CACNB2: variants seen among roughly 807,000 people sequenced by gnomAD.
CACNB2 encodes the protein calcium voltage-gated channel auxiliary subunit beta 2, also known as voltage-dependent L-type calcium channel subunit beta-2.
In CACNB2, 42 loss-of-function variants were observed where a neutral mutation model predicts 73.3. That is an observed-to-expected ratio of 0.57 (90% confidence interval 0.45 to 0.74). CACNB2 has a LOEUF of 0.74. CACNB2 is among the 30% of genes least tolerant of loss of function. CACNB2 has a pLI of 0.00. For synonymous variants in CACNB2, 348 were observed against 310.3 expected (o/e 1.12, Z -1.28); for missense variants, 940 against 853.0 (o/e 1.10, Z -1.27).
intron 2 of CACNB2, among the ~76,000 whole-genome samples, chr10:18,333,328 G>A (rs923829444): frequency 5.9e-5 from 9 of 152,086 alleles, no homozygotes; most frequent in African/African-American, 2.2e-4. Context: ...GATAAACTCT[G>A]AGGAAGGGAT....
chr10:18,307,592 A>T (rs1162476436), intron 2 of CACNB2, among the ~76,000 whole-genome samples: 1 of 152,202 alleles, frequency 6.6e-6, no homozygotes, highest in East Asian at 1.9e-4. Context: ...TGTTCATACC[A>T]AGTTCCCAGC....
Position 18,484,146 on chromosome 10 carries a change from C to A in CACNB2, c.334-14209C>A, listed in dbSNP as rs369882444. ...CAGTGGCTCACACTTGTAATCCCAG[C>A]ACTTTGGAAGGCCAAGGCGGGCAGA... On this transcript the variant is annotated intron_variant, in intron 3 of 13. Transcript: ENST00000324631. 4.6e-5 allele frequency among the ~76,000 whole-genome samples: 7 copies of A among 152,328 alleles called. No homozygotes were observed. The South Asian group carries it at 1.4e-3, about 32-fold the overall frequency.
chr10:18,476,414 C>T (rs1457714164), intron 3 of CACNB2, among the ~76,000 whole-genome samples: 1 of 152,186 alleles, frequency 6.6e-6, no homozygotes, highest in Admixed American at 6.5e-5. Context: ...AAGCAAGCAG[C>T]TCAAGAGCCC....
intron 2 of CACNB2, among the ~76,000 whole-genome samples, chr10:18,325,601 CT>C (rs1182819292): frequency 6.7e-6 from 1 of 149,580 alleles, no homozygotes; most frequent in Non-Finnish European, 1.5e-5. Context: ...CTTTCTCTGT[CT>C]TTTTTCTTTC....
intron 1 of CACNB2, among the ~76,000 whole-genome samples, chr10:18,144,309 AC>A (rs2030740483): frequency 6.6e-6 from 1 of 152,138 alleles, no homozygotes; most frequent in Non-Finnish European, 1.5e-5. Context: ...CAAACTCCTG[AC>A]CTCAGGTGAT....
At chr10:18,484,368 T>C (rs1431406591) in intron 3 of CACNB2, among the ~76,000 whole-genome samples, 1 of 151,048 alleles carries the variant, frequency 6.6e-6, no homozygotes, top group Non-Finnish European at 1.5e-5. Flanking sequence ...TACTCCAGCC[T>C]GGGTGACAGA....
At chr10:18,150,130 A>T (rs905825939) in intron 1 of CACNB2, among the ~76,000 whole-genome samples, 3 of 152,150 alleles carry the variant, frequency 2.0e-5, no homozygotes, top group African/African-American at 7.2e-5. Context: ...ACATAGATTG[A>T]TGTGTAGTTT....
intron 2 of CACNB2, among the ~76,000 whole-genome samples, chr10:18,382,107 G>A (rs1302185623): frequency 6.6e-6 from 1 of 152,012 alleles, no homozygotes; most frequent in African/African-American, 2.4e-5. Flanking sequence ...ATGTTCATGT[G>A]TGTTTTTCAC....
intron 2 of CACNB2, among the ~76,000 whole-genome samples, chr10:18,377,485 T>C (rs1181154588): frequency 6.6e-6 from 1 of 152,224 alleles, no homozygotes; most frequent in Non-Finnish European, 1.5e-5. Flanking sequence ...AAAGCAGCCA[T>C]GAACAATTCG....
rs184259363 is a variant in CACNB2, at chr10:18,539,828, T to C, written c.*104T>C. Reference sequence around the variant, plus strand: ...GGGTCTACACTGCAATCATATGTGATCTGTCTTGTAATATTTTGTATTATT... The same window carrying C: ...GGGTCTACACTGCAATCATATGTGACCTGTCTTGTAATATTTTGTATTATT... On this transcript the variant is annotated 3_prime_UTR_variant, in exon 14 of 14. Coordinates refer to ENST00000324631, the MANE Select transcript of CACNB2 (RefSeq NM_201596.3). 275 of 1,163,250 alleles carry C rather than the reference T, an allele frequency of 2.4e-4. 2 individuals carry two copies. The East Asian group carries it at 5.8e-3, about 24-fold the overall frequency. The allele number at this position is 1,163,250 out of a possible 1,614,324, so 72.1% of individuals were successfully genotyped here.
intron 2 of CACNB2, among the ~76,000 whole-genome samples, chr10:18,211,190 G>A (rs1357849711): frequency 6.6e-6 from 1 of 152,138 alleles, no homozygotes; most frequent in Non-Finnish European, 1.5e-5. Context: ...GAGAAACAGA[G>A]GGGTAGAGAA....
At chr10:18,420,493 A>G (rs1291959159) in intron 3 of CACNB2, among the ~76,000 whole-genome samples, 2 of 152,174 alleles carry the variant, frequency 1.3e-5, no homozygotes, top group Admixed American at 6.5e-5. Flanking sequence ...GAAAAGATCG[A>G]TGGATGTCTC....
At chr10:18,406,479 G>A (rs888815242) in intron 3 of CACNB2, among the ~76,000 whole-genome samples, 1 of 152,162 alleles carries the variant, frequency 6.6e-6, no homozygotes, top group African/African-American at 2.4e-5. Flanking sequence ...ATCAATGGCA[G>A]CATTAGGTTC....
At chr10:18,235,965 A>G (rs571322139) in intron 2 of CACNB2, among the ~76,000 whole-genome samples, 2 of 151,104 alleles carry the variant, frequency 1.3e-5, no homozygotes. Flanking sequence ...AGTGAGTGGC[A>G]CCTCCCCTTA....
At chr10:18,388,723 C>T (rs2132431250) in intron 2 of CACNB2, among the ~76,000 whole-genome samples, 1 of 152,288 alleles carries the variant, frequency 6.6e-6, no homozygotes, top group East Asian at 1.9e-4. Context: ...TCCAGTATTT[C>T]AGGTAGACAC....
intron 2 of CACNB2, among the ~76,000 whole-genome samples, chr10:18,251,232 G>C (rs1282554377): frequency 6.6e-6 from 1 of 151,864 alleles, no homozygotes; most frequent in Non-Finnish European, 1.5e-5. Flanking sequence ...CCTTAAGCAA[G>C]TCTCTCGGCT....
At chr10:18,183,839 A>G (rs2034013581) in intron 2 of CACNB2, among the ~76,000 whole-genome samples, 1 of 152,182 alleles carries the variant, frequency 6.6e-6, no homozygotes, top group South Asian at 2.1e-4. Flanking sequence ...AGTGGTGCAT[A>G]GTACAGGTAG....
At position 18,219,958 on chromosome 10, in the gene CACNB2, G is replaced by A. The variant is rs558027703; in HGVS notation, c.213+68983G>A. ...ATTTTTGTATTTTTAATAGAGATGG[G>A]GTTTCTTCCTGTTGGCCAGGCTGGT... On this transcript the variant is annotated intron_variant, in intron 2 of 13. Transcript: ENST00000324631. 3.4e-3 allele frequency among the ~76,000 whole-genome samples: 511 copies of A among 148,778 alleles called. 3 individuals carry two copies. The highest frequency in any genetic ancestry group is 6.9e-3 in the South Asian group (32 of 4,644).
At chr10:18,206,743 A>G (rs959273069) in intron 2 of CACNB2, 1 of 152,210 alleles carries the variant, frequency 6.6e-6, no homozygotes, top group Non-Finnish European at 1.5e-5. Flanking sequence ...TGCCTTCTGC[A>G]CTGCAGCTTA....
Sources: gnomAD v4.1 joint callset for allele counts (sites outside exome capture counted in the v4.1 genomes callset) on GRCh38, gnomAD v4.1.1 for gene constraint, MANE v1.5 for transcripts, NCBI Gene and HGNC (gene_info 2026-07-23, HGNC 2026-07-21) for gene names.